LPCAT4: variants seen among roughly 807,000 people sequenced by gnomAD.
LPCAT4 encodes the protein lysophospholipid acyltransferase LPCAT4.
A neutral mutation model predicts 66.5 loss-of-function variants in LPCAT4; 30 were observed. The observed-to-expected ratio is 0.45, with a 90% CI of 0.34 to 0.61. LPCAT4 has a LOEUF of 0.61. Ranked by LOEUF, LPCAT4 falls within the 20% of genes least tolerant of loss-of-function variation. LPCAT4 has a pLI of 0.01. For synonymous variants in LPCAT4, 253 were observed against 262.1 expected (o/e 0.97, Z 0.34); for missense variants, 557 against 656.7 (o/e 0.85, Z 1.66).
In LPCAT4 at chr15:34,359,266, T is replaced by A. The variant is rs1346141654; in HGVS notation, c.1436A>T (p.Tyr479Phe). 6.4e-7 allele frequency: 1 copy of A among 1,553,292 alleles called. No individual in the cohort carries two copies. The highest frequency in any genetic ancestry group is 1.4e-5 in the African/African-American group (1 of 73,426). The change falls in exon 14 of 14, where the codon TAT becomes TTT. Residue 479 changes from tyrosine (Y) to phenylalanine (F), a missense_variant. Tyr to Phe is a conservative substitution (Grantham distance 22). Around this residue, in one of 4 missense-constraint regions of LPCAT4, gnomAD observed 392 missense variants for 473.9 expected, o/e 0.83. Transcript: ENST00000314891. ...FQNFSLHDPLYGKLFSTYLRP... is the reference protein window; with the variant it reads ...FQNFSLHDPLFGKLFSTYLRP... ...CAGGTAGGTGCTGAAGAGTTTCCCA[T>A]AGAGTGGGTCATGGAGGGAGAAGTT... is the stretch of plus-strand genomic sequence containing the variant.
chr15:34,367,186 G>C lies in LPCAT4; in HGVS notation c.-86C>G, dbSNP rs1891103361. ...CAGCTGCTGCTGCAGCAGCGGCGGC[G>C]GCGGCGCTCTGGCCCGGGCCCCGCC... is the stretch of plus-strand genomic sequence containing the variant. On this transcript the variant is annotated 5_prime_UTR_variant, in exon 1 of 14. Transcript: ENST00000314891. 1.6e-6 allele frequency: 2 copies of C among 1,232,264 alleles called. No homozygotes were observed. The highest frequency in any genetic ancestry group is 2.1e-6 in the Non-Finnish European group (2 of 961,926). 76.3% of individuals were successfully genotyped at this position (1,232,264 alleles called of 1,614,324 possible). A position where few individuals can be genotyped will look rare whatever the true frequency, so the allele number is the denominator to read the frequency against.
chr15:34,358,978 AAATC>A lies in LPCAT4; in HGVS notation c.*145_*148del. The stretch of plus-strand genomic sequence containing the variant: ...ATATATAAAATAGTTTTTTACAAAA[AAATC>A]AACCAAACAAAAAATTAAAATCAAC... On this transcript the variant is annotated 3_prime_UTR_variant, in exon 14 of 14. Coordinates refer to ENST00000314891, the MANE Select transcript of LPCAT4 (RefSeq NM_153613.3). 1.9e-6 allele frequency: 1 copy of A among 527,122 alleles called. No individual in the cohort carries two copies. Among genetic ancestry groups the A allele is most frequent in the Non-Finnish European group, 3.0e-6 (1 of 331,892 alleles). The allele number at this position is 527,122 out of a possible 1,614,324, so 32.7% of individuals were successfully genotyped here.
chr15:34,364,962 G>T (rs1331528164), intron 3 of LPCAT4, 46 bp downstream of exon 3: 2 of 1,516,058 alleles, frequency 1.3e-6, no homozygotes, highest in East Asian at 2.3e-5. Context: ...GACTTTTTTT[G>T]CCCAGAGTTG....
intron 1 of LPCAT4, 161 bp from the exon 2 acceptor site, chr15:34,365,862 G>A: frequency 1.3e-6 from 1 of 760,224 alleles, no homozygotes; most frequent in Non-Finnish European, 2.1e-6. Context: ...AAGGTGGGAT[G>A]AAGATACCAA....
intron 2 of LPCAT4, 53 bp from the exon 3 acceptor site, chr15:34,365,281 G>A (rs571713193): frequency 1.2e-5 from 19 of 1,526,108 alleles, no homozygotes; most frequent in South Asian, 8.3e-5. Context: ...ACCCTCACCC[G>A]CCCCCAGGTT....
At chr15:34,361,243 G>A in intron 11 of LPCAT4, 157 bp downstream of exon 11, 1 of 1,495,426 alleles carries the variant, frequency 6.7e-7, no homozygotes, top group South Asian at 1.4e-5. Context: ...ATTAAAAAAT[G>A]AATCTTCAGT....
intron 9 of LPCAT4, 70 bp from the exon 10 acceptor site, chr15:34,362,391 C>A (rs890028978): frequency 1.3e-6 from 2 of 1,590,934 alleles, no homozygotes. Context: ...GGTTCCTGAC[C>A]CTGGCCCGCT....
At chr15:34,362,487 T>G in intron 9 of LPCAT4, 86 bp downstream of exon 9, 1 of 1,433,696 alleles carries the variant, frequency 7.0e-7, no homozygotes, top group Non-Finnish European at 9.5e-7. Flanking sequence ...TCCTCGATCT[T>G]TGCCTGAAAA....
intron 3 of LPCAT4, chr15:34,364,656 G>A (rs1284302115): frequency 8.1e-6 from 2 of 247,348 alleles, no homozygotes; most frequent in Non-Finnish European, 1.5e-5. Context: ...GTTTCTCCAT[G>A]TTGGTCAGGC....
At position 34,362,618 on chromosome 15, in the gene LPCAT4, C is replaced by T. The variant is rs777159125; in HGVS notation, c.839G>A (p.Arg280Lys). ...PVYHPSPEES[R>K]DPTLYANNVQ... ...ATTGTTGGCATAGAGGGTGGGGTCC[C>T]TGCTCTCCTCAGGGCTGGGGTGATA... Residue 280 changes from arginine (R) to lysine (K), a missense_variant, in exon 9 of 14, where the codon AGG (arginine) becomes AAG (lysine). Arg to Lys is a conservative substitution (Grantham distance 26). Coordinates refer to ENST00000314891, the MANE Select transcript of LPCAT4 (RefSeq NM_153613.3). The T allele has an allele frequency of 3.2e-6, 5 of 1,576,930 alleles. No individual in the cohort carries two copies. Among genetic ancestry groups the T allele is most frequent in the Non-Finnish European group, 3.4e-6 (4 of 1,160,472 alleles).
chr15:34,367,177 A>G lies in LPCAT4; in HGVS notation c.-77T>C, dbSNP rs1361266672. 2.1e-5 allele frequency: 26 copies of G among 1,267,410 alleles called. No individual in the cohort carries two copies. The highest frequency in any genetic ancestry group is 2.0e-4 in the South Asian group (10 of 49,876). The allele number at this position is 1,267,410 out of a possible 1,614,324, so 78.5% of individuals were successfully genotyped here. ...TCTGCAGAGCAGCTGCTGCTGCAGC[A>G]GCGGCGGCGGCGGCGCTCTGGCCCG... On this transcript the variant is annotated 5_prime_UTR_variant, in exon 1 of 14. Coordinates refer to ENST00000314891, the MANE Select transcript of LPCAT4 (RefSeq NM_153613.3).
At chr15:34,364,936 C>T (rs1360844963) in intron 3 of LPCAT4, 72 bp downstream of exon 3, 3 of 1,310,742 alleles carry the variant, frequency 2.3e-6, no homozygotes, top group Non-Finnish European at 3.2e-6. Flanking sequence ...TTCTTCACTC[C>T]AGTGTCTCCA....
rs1890999446 is a variant in LPCAT4 at position 34,363,539 on chromosome 15, G to A, written c.712-83C>T. The stretch of plus-strand genomic sequence containing the variant: ...CCAATCACCTTTGAACAGAGGGCCT[G>A]ATCCCACCTCTGGTCACAGCCCCCA... On this transcript the variant is annotated intron_variant, in intron 6 of 13. Transcript: ENST00000314891. This position sits in a 1 kb window ranked among gnomAD's most constrained non-coding sequence, Gnocchi z 4.3. 1.3e-6 allele frequency: 2 copies of A among 1,596,992 alleles called. No homozygotes were observed. The highest frequency in any genetic ancestry group is 1.7e-6 in the Non-Finnish European group (2 of 1,165,084).
Position 34,362,833 on chromosome 15 carries a change from G to A in LPCAT4, c.750C>T (p.Leu250=), listed in dbSNP as rs1193057186. The change falls in exon 8 of 14, where the codon CTC becomes CTT. Residue 250 remains leucine (L), a synonymous_variant. Coordinates refer to ENST00000314891, the MANE Select transcript of LPCAT4 (RefSeq NM_153613.3). ...GAGAGGCTGTGAGCCAGAGGACTTT[G>A]AGTCTAAGAGAAGAGAGATTTCGAT... ...TSWAWRGPGV[L]KVLWLTASQP... 6.2e-7 allele frequency: 1 copy of A among 1,614,002 alleles called. No individual in the cohort carries two copies. The highest frequency in any genetic ancestry group is 1.3e-5 in the African/African-American group (1 of 74,906).
chr15:34,364,013 C>G lies in LPCAT4; in HGVS notation c.652G>C (p.Gly218Arg). 1.2e-6 allele frequency: 2 copies of G among 1,611,234 alleles called. No individual in the cohort carries two copies. The highest frequency in any genetic ancestry group is 1.7e-6 in the Non-Finnish European group (2 of 1,177,512). The stretch of plus-strand genomic sequence containing the variant: ...CACCACCCACTATCATTTTATTCAC[C>G]TGGTTTGAACTTAAGCAAAGCCTTC... ...NKKALLKFKP[G>R]AFIAGVPVQP... Residue 218 changes from glycine to arginine, a missense_variant and splice_region_variant, in exon 5 of 14, where the codon GGA becomes CGA. By Grantham distance (125) the Gly-to-Arg change is moderately radical. Coordinates refer to ENST00000314891, the MANE Select transcript of LPCAT4 (RefSeq NM_153613.3).
intron 1 of LPCAT4, 100 bp from the exon 2 acceptor site, chr15:34,365,801 A>G: frequency 7.2e-7 from 1 of 1,390,000 alleles, no homozygotes; most frequent in African/African-American, 1.4e-5. Context: ...GACAGCCATC[A>G]TCCCTTGCAT....
chr15:34,362,094 ATTT>A (rs1387892771), intron 10 of LPCAT4, 99 bp downstream of exon 10: 3 of 1,457,276 alleles, frequency 2.1e-6, no homozygotes, highest in Non-Finnish European at 2.8e-6. Context: ...AGTTTTTTTC[ATTT>A]TTAAGATTTT....
chr15:34,363,478 G>A lies in LPCAT4; in HGVS notation c.712-22C>T. 1 of 1,614,004 alleles carries A rather than the reference G, an allele frequency of 6.2e-7. No homozygotes were observed. The highest frequency in any genetic ancestry group is 8.5e-7 in the Non-Finnish European group (1 of 1,179,940). On this transcript the variant is annotated intron_variant, in intron 6 of 13. Coordinates refer to ENST00000314891, the MANE Select transcript of LPCAT4 (RefSeq NM_153613.3). The surrounding 1 kb of genome is among the most constrained non-coding windows in gnomAD (Gnocchi z 4.3). ...TGTCCTATGGGAGAAACACAGGTGAGGGCATAAGAGCATTACTTTTTCCCC... is the reference window on the plus strand; with the variant it reads ...TGTCCTATGGGAGAAACACAGGTGAAGGCATAAGAGCATTACTTTTTCCCC...
In LPCAT4 at chr15:34,364,054, C is replaced by G. The variant is rs1891011550; in HGVS notation, c.611G>C (p.Gly204Ala). 1 of 1,613,052 alleles carries G rather than the reference C, an allele frequency of 6.2e-7. No homozygotes were observed. The highest frequency in any genetic ancestry group is 1.1e-5 in the South Asian group (1 of 91,076). Residue 204 changes from glycine (G) to alanine (A), a missense_variant, in exon 5 of 14, where the codon GGC (glycine) becomes GCC (alanine). Gly to Ala is a moderately conservative substitution (Grantham distance 60, BLOSUM62 0). This residue lies in a region of LPCAT4 where 392 missense variants were observed against 473.9 expected (regional missense o/e 0.83). Coordinates refer to ENST00000314891, the MANE Select transcript of LPCAT4 (RefSeq NM_153613.3). Reference protein sequence around the residue: ...KWPQVLFFPEGTCSNKKALLK... With the variant: ...KWPQVLFFPEATCSNKKALLK... ...CAAAGCCTTCTTGTTGGAACAGGTG[C>G]CCTCAGGAAAGAATAGCACCTGGGG...
Sources: gnomAD v4.1 joint callset for allele counts on GRCh38, gnomAD v4.1.1 for gene constraint, gnomAD v4.1.1 regional missense constraint, Gnocchi (gnomAD v3.1) non-coding constraint, MANE v1.5 for transcripts, NCBI Gene and HGNC (gene_info 2026-07-23, HGNC 2026-07-21) for gene names.